SETD5: variants seen among roughly 807,000 people sequenced by gnomAD.
SETD5 encodes histone-lysine N-methyltransferase SETD5.
SETD5 carries 44 observed loss-of-function variants against 153.3 expected under a neutral mutation model. That is an observed-to-expected ratio of 0.29 (90% confidence interval 0.23 to 0.37). The LOEUF (loss-of-function observed/expected upper bound fraction) is 0.37. Ranked by LOEUF, SETD5 falls within the 10% of genes least tolerant of loss-of-function variation. The pLI, the probability that SETD5 is intolerant of heterozygous loss-of-function variation, is 1.00. For synonymous variants in SETD5, 716 were observed against 645.2 expected (o/e 1.11, Z -1.66); for missense variants, 1,544 against 1,768.0 (o/e 0.87, Z 2.27).
Position 9,440,670 on chromosome 3 carries a change from A to G in SETD5, c.782A>G (p.Asn261Ser). The G allele has an allele frequency of 6.2e-7, 1 of 1,613,584 alleles. No homozygotes were observed. The highest frequency in any genetic ancestry group is 8.5e-7 in the Non-Finnish European group (1 of 1,179,710). The change falls in exon 8 of 23, where the codon AAT becomes AGT. Residue 261 changes from asparagine (N) to serine (S), a missense_variant. Transcript: ENST00000402198. Reference protein sequence around the residue: ...DTINKTELACNNTVIGSQMQL... With the variant: ...DTINKTELACSNTVIGSQMQL... ...ATTAATAAGACTGAATTGGCCTGTAATAACACAGTTATTGGTTCCCAAATG... is the reference window on the plus strand; with the variant it reads ...ATTAATAAGACTGAATTGGCCTGTAGTAACACAGTTATTGGTTCCCAAATG...
At position 9,476,710 on chromosome 3, in the gene SETD5, A is replaced by C. The variant is rs562301351; in HGVS notation, c.*619A>C. On this transcript the variant is annotated 3_prime_UTR_variant, in exon 23 of 23. Coordinates refer to ENST00000402198, the MANE Select transcript of SETD5 (RefSeq NM_001080517.3). ...ATAGTAAAGCTTGGAACCTGCACCA[A>C]CTGGAGGGTGCCTGGCTCTTTGAAG... is the stretch of plus-strand genomic sequence containing the variant. 1 of 152,652 alleles carries C rather than the reference A, an allele frequency of 6.6e-6. No homozygotes were observed. Among genetic ancestry groups the C allele is most frequent in the Non-Finnish European group, 1.5e-5 (1 of 68,094 alleles). 9.5% of individuals were successfully genotyped at this position (152,652 alleles called of 1,614,324 possible).
chr3:9,472,761 C>A (rs991292755), intron 19 of SETD5, among the ~76,000 whole-genome samples: 1 of 151,706 alleles, frequency 6.6e-6, no homozygotes, highest in East Asian at 1.9e-4. Context: ...CCTCTCCCTG[C>A]TTCTTTCTCT....
intron 11 of SETD5, among the ~76,000 whole-genome samples, 178 bp from the exon 12 acceptor site, chr3:9,444,870 C>T (rs576323721): frequency 9.9e-5 from 15 of 152,130 alleles, no homozygotes; most frequent in African/African-American, 2.4e-4. Flanking sequence ...AGCGAGATTC[C>T]GTCTCCAATA....
intron 1 of SETD5, among the ~76,000 whole-genome samples, chr3:9,398,786 C>T (rs564464461): frequency 6.6e-6 from 1 of 152,148 alleles, no homozygotes; most frequent in East Asian, 1.9e-4. Context: ...GTAGGTAAAT[C>T]GCATGAGAGG....
At chr3:9,420,241 A>G (rs13314430) in intron 1 of SETD5, among the ~76,000 whole-genome samples, 2,993 of 149,122 alleles carry the variant, frequency 0.02, 100 homozygotes, top group African/African-American at 0.071. Flanking sequence ...ATATTTAGAT[A>G]ATAATAATAA....
chr3:9,453,860 A>G lies in SETD5; in HGVS notation c.2468A>G (p.Asp823Gly), dbSNP rs935310910. The G allele has an allele frequency of 2.5e-6, 4 of 1,579,644 alleles. No individual in the cohort carries two copies. In the Admixed American group the frequency reaches 6.0e-5, roughly 24 times the overall value. Residue 823 changes from aspartate to glycine, a missense_variant, in exon 17 of 23, where the codon GAC becomes GGC. Physicochemically the swap from Asp to Gly is moderately conservative, Grantham distance 94. Around this residue, in one of 9 missense-constraint regions of SETD5, gnomAD observed 782 missense variants for 787.2 expected, o/e 0.99. Transcript: ENST00000402198. ...ENSSSSSICK[D>G]NADLLSPLKK... is the part of the protein sequence containing the mutation. ...AGTAGCTCTTCTAGTATCTGCAAAG[A>G]CAATGCAGGTACGTATCTAAAACCT... is the stretch of plus-strand genomic sequence containing the variant.
At position 9,441,640 on chromosome 3, in the gene SETD5, G is replaced by C; in HGVS notation, c.858G>C (p.Leu286=). 6.2e-7 allele frequency: 1 copy of C among 1,613,962 alleles called. No homozygotes were observed. Residue 286 remains leucine, a synonymous_variant, in exon 9 of 23, where the codon CTG becomes CTC. Coordinates refer to ENST00000402198, the MANE Select transcript of SETD5 (RefSeq NM_001080517.3). ...VTRVQKHRKI[L]RAARDLALDT... is the part of the protein sequence containing the mutation. ...GTGTTCAAAAGCACCGGAAGATCCTGAGGGCTGCAAGAGATTTGGCTTTGG... is the reference window on the plus strand; with the variant it reads ...GTGTTCAAAAGCACCGGAAGATCCTCAGGGCTGCAAGAGATTTGGCTTTGG...
At chr3:9,430,383 G>C in intron 3 of SETD5, 1 of 975,042 alleles carries the variant, frequency 1.0e-6, no homozygotes, top group Non-Finnish European at 1.2e-6. Context: ...AAGGAGGGTT[G>C]GGGGTGGGGA....
chr3:9,443,655 A>G (rs1379288705), intron 11 of SETD5, among the ~76,000 whole-genome samples: 1 of 152,222 alleles, frequency 6.6e-6, no homozygotes, highest in Non-Finnish European at 1.5e-5. Flanking sequence ...GTTTTCGCTT[A>G]TGCCTTTTTA....
In SETD5 at chr3:9,453,800, C is replaced by G. The variant is rs1035641407; in HGVS notation, c.2408C>G (p.Thr803Ser). 8.1e-6 allele frequency: 13 copies of G among 1,610,032 alleles called. No homozygotes were observed. The highest frequency in any genetic ancestry group is 3.3e-5 in the South Asian group (3 of 90,270). The stretch of plus-strand genomic sequence containing the variant: ...CAAACATCATCTGTACCCCAAGAGA[C>G]TAGAACTCAGCACCTATACCAAAGC... ...MTQTSSVPQE[T>S]RTQHLYQSNE... Residue 803 changes from threonine to serine, a missense_variant, in exon 17 of 23, where the codon ACT (threonine) becomes AGT (serine). Around this residue, in one of 9 missense-constraint regions of SETD5, gnomAD observed 782 missense variants for 787.2 expected, o/e 0.99. Transcript: ENST00000402198.
At chr3:9,424,319 A>C (rs887903138) in intron 1 of SETD5, 148 bp from the exon 2 acceptor site, 1 of 152,242 alleles carries the variant, frequency 6.6e-6, no homozygotes, top group African/African-American at 2.4e-5. Flanking sequence ...TCAGTGCCGG[A>C]TGGACGTAGG....
At chr3:9,399,947 C>T (rs1168097917) in intron 1 of SETD5, among the ~76,000 whole-genome samples, 1 of 152,038 alleles carries the variant, frequency 6.6e-6, no homozygotes, top group Non-Finnish European at 1.5e-5. Flanking sequence ...CTCTGGAGCT[C>T]TGGTTGCTAC....
At chr3:9,440,025 C>G (rs1188634037) in intron 7 of SETD5, among the ~76,000 whole-genome samples, 2 of 152,134 alleles carry the variant, frequency 1.3e-5, no homozygotes, top group South Asian at 2.1e-4. Flanking sequence ...TGGGCTAACA[C>G]TTAACACAGA....
chr3:9,443,164 G>A (rs1347162620), intron 10 of SETD5, 144 bp from the exon 11 acceptor site: 1 of 622,596 alleles, frequency 1.6e-6, no homozygotes, highest in South Asian at 1.8e-5. Flanking sequence ...ATGAAATGAA[G>A]GGGTTAAATA....
intron 17 of SETD5, among the ~76,000 whole-genome samples, chr3:9,457,497 T>C (rs991132446): frequency 6.6e-6 from 1 of 150,886 alleles, no homozygotes; most frequent in Non-Finnish European, 1.5e-5. Flanking sequence ...AAAAAATATA[T>C]ATATATACTA....
intron 1 of SETD5, among the ~76,000 whole-genome samples, chr3:9,420,549 G>A (rs959708979): frequency 4.6e-5 from 7 of 152,052 alleles, no homozygotes; most frequent in African/African-American, 1.7e-4. Flanking sequence ...TAGAAGAGAT[G>A]GGAGAAAAGG....
rs2045876864 is a variant in SETD5, at chr3:9,476,767, G to A, written c.*676G>A. ...TCATGGTCAGCTCTTGATTATTCGG[G>A]AGCAGATTATTTGAGTAGATTGTCT... On this transcript the variant is annotated 3_prime_UTR_variant, in exon 23 of 23. Transcript: ENST00000402198. 1 of 152,416 alleles carries A rather than the reference G, an allele frequency of 6.6e-6. No homozygotes were observed. The highest frequency in any genetic ancestry group is 1.5e-5 in the Non-Finnish European group (1 of 68,044). 9.4% of individuals were successfully genotyped at this position (152,416 alleles called of 1,614,324 possible).
At chr3:9,449,011 G>A (rs1343335628) in intron 16 of SETD5, among the ~76,000 whole-genome samples, 3 of 152,102 alleles carry the variant, frequency 2.0e-5, no homozygotes, top group African/African-American at 4.8e-5. Flanking sequence ...TAGGCCCTGG[G>A]TCCTCTAGAA....
At chr3:9,418,776 C>T (rs1021536171) in intron 1 of SETD5, among the ~76,000 whole-genome samples, 11 of 150,910 alleles carry the variant, frequency 7.3e-5, no homozygotes, top group African/African-American at 2.7e-4. Context: ...GCACTCCAGC[C>T]TGAGCAACAA....
Sources: gnomAD v4.1 joint callset for allele counts (sites outside exome capture counted in the v4.1 genomes callset) on GRCh38, gnomAD v4.1.1 for gene constraint, gnomAD v4.1.1 regional missense constraint, MANE v1.5 for transcripts, NCBI Gene and HGNC (gene_info 2026-07-23, HGNC 2026-07-21) for gene names.